LAMA1: variants seen among roughly 807,000 people sequenced by gnomAD.
LAMA1 encodes the protein laminin subunit alpha-1.
Under a neutral mutation model 348.7 loss-of-function variants are expected in LAMA1, and 219 were observed. The ratio of observed to expected loss-of-function variants is 0.63; its 90% CI spans 0.56 to 0.70. The LOEUF is 0.70. LAMA1 is among the 30% of genes least tolerant of loss of function. The pLI is 0.00. For missense variants in LAMA1, 3,744 were observed against 3,888.0 expected (o/e 0.96, Z 0.99); for synonymous variants, 1,487 against 1,491.0 (o/e 1.00, Z 0.06).
chr18:7,051,303 C>A (rs946449812), intron 3 of LAMA1, among the ~76,000 whole-genome samples: 2 of 152,132 alleles, frequency 1.3e-5, no homozygotes, highest in African/African-American at 4.8e-5. Context: ...ATGATTCTTT[C>A]ACATTGCATA....
At chr18:7,035,844 C>G in intron 13 of LAMA1, 143 bp downstream of exon 13, 1 of 709,250 alleles carries the variant, frequency 1.4e-6, no homozygotes, top group East Asian at 2.7e-5. Flanking sequence ...TCTCAGTAGT[C>G]CCCACGCAAG....
chr18:7,038,487 C>A (rs1404793174), intron 11 of LAMA1: 3 of 402,612 alleles, frequency 7.5e-6, no homozygotes, highest in Non-Finnish European at 1.4e-5. Context: ...GGCTCCCAGG[C>A]CTGAGAGCAG....
intron 35 of LAMA1, 52 bp downstream of exon 35, chr18:6,993,589 A>C: frequency 1.6e-6 from 2 of 1,245,966 alleles, no homozygotes; most frequent in Non-Finnish European, 2.4e-6. Context: ...AGCAATGGTG[A>C]CTTCTTACTA....
chr18:6,974,245 A>G (rs1293477757), intron 46 of LAMA1, among the ~76,000 whole-genome samples: 1 of 152,052 alleles, frequency 6.6e-6, no homozygotes, highest in Non-Finnish European at 1.5e-5. Context: ...TTTTTGAATT[A>G]ATTTTTATTA....
chr18:6,953,509 C>T (rs1198740791), intron 57 of LAMA1, among the ~76,000 whole-genome samples: 1 of 152,202 alleles, frequency 6.6e-6, no homozygotes, highest in Non-Finnish European at 1.5e-5. Context: ...CAGGCAACCA[C>T]TGGGGGTCCT....
rs533355831 is a variant in LAMA1, at chr18:7,024,589, A to G, written c.2403-123T>C. On this transcript the variant is annotated intron_variant, in intron 17 of 62. Coordinates refer to ENST00000389658, the MANE Select transcript of LAMA1 (RefSeq NM_005559.4). The stretch of plus-strand genomic sequence containing the variant: ...ACCTTCAATGAGACCTCCTTAGCTC[A>G]GAATCCGGGGCCTCTGGTCACCCAG... 4.1e-5 allele frequency: 33 copies of G among 799,816 alleles called. No individual in the cohort carries two copies. In the South Asian group the frequency reaches 4.8e-4, roughly 12 times the overall value. 49.5% of individuals were successfully genotyped at this position (799,816 alleles called of 1,614,324 possible).
At chr18:7,008,355 TTTC>T in intron 28 of LAMA1, 130 bp downstream of exon 28, 1 of 1,051,572 alleles carries the variant, frequency 9.5e-7, no homozygotes, top group Non-Finnish European at 1.4e-6. Flanking sequence ...CCAAAATTAA[TTTC>T]TTTTTAATTC....
At chr18:7,114,512 A>G (rs577863694) in intron 1 of LAMA1, among the ~76,000 whole-genome samples, 186 of 152,356 alleles carry the variant, frequency 1.2e-3, no homozygotes, top group African/African-American at 4.3e-3. Context: ...GATGAACATA[A>G]ATAAACTTGC....
chr18:7,049,449 ACCAC>A (rs2058054558), intron 4 of LAMA1, among the ~76,000 whole-genome samples, 192 bp from the exon 5 acceptor site: 1 of 152,084 alleles, frequency 6.6e-6, no homozygotes, highest in African/African-American at 2.4e-5. Flanking sequence ...ATAGGTGTGC[ACCAC>A]CACGCCCAGC....
chr18:6,973,805 G>C (rs1393537014), intron 46 of LAMA1, among the ~76,000 whole-genome samples: 1 of 152,176 alleles, frequency 6.6e-6, no homozygotes, highest in Non-Finnish European at 1.5e-5. Flanking sequence ...ATTAGAGGCA[G>C]GGTCTTGCTC....
chr18:7,095,054 A>C (rs183136989), intron 1 of LAMA1, among the ~76,000 whole-genome samples: 1 of 148,318 alleles, frequency 6.7e-6, no homozygotes, highest in East Asian at 2.0e-4. Flanking sequence ...TTCCAGCAAT[A>C]TCCCTTGACT....
In LAMA1 at chr18:6,985,278, G is replaced by A. The variant is rs780881381; in HGVS notation, c.5619C>T (p.Asp1873=). 15 of 1,614,190 alleles carry A rather than the reference G, an allele frequency of 9.3e-6. No individual in the cohort carries two copies. The highest frequency in any genetic ancestry group is 1.2e-5 in the Non-Finnish European group (14 of 1,180,034). Residue 1873 remains aspartate (D), a synonymous_variant, in exon 39 of 63, where the codon GAC becomes GAT. Transcript: ENST00000389658. ...CTAGTCTCTGGAACTCAGCGGCATG[G>A]TCCTCAGCTCTGTAGACCAGGTCGA... is the stretch of plus-strand genomic sequence containing the variant. ...NAVDLVYRAE[D]HAAEFQRLAD... is the part of the protein sequence containing the mutation.
Position 6,942,253 on chromosome 18 carries a change from A to C in LAMA1, c.9068-14T>G, listed in dbSNP as rs774289731. 1.9e-6 allele frequency: 3 copies of C among 1,613,696 alleles called. No individual in the cohort carries two copies. The highest frequency in any genetic ancestry group is 2.2e-5 in the South Asian group (2 of 91,084). On this transcript the variant is annotated splice_polypyrimidine_tract_variant and intron_variant, in intron 62 of 62. Transcript: ENST00000389658. ...GCTTCACACCAGCTGTTCAGGAAAG[A>C]AGAGAAGACAAATCTTGCTTAATTT...
At chr18:6,945,314 A>G (rs942417736) in intron 61 of LAMA1, among the ~76,000 whole-genome samples, 29 of 151,906 alleles carry the variant, frequency 1.9e-4, no homozygotes, top group Non-Finnish European at 1.5e-5. Context: ...TATGACATCA[A>G]GTTAGTTCTG....
At chr18:6,995,716 G>T (rs931399526) in intron 33 of LAMA1, among the ~76,000 whole-genome samples, 1 of 152,054 alleles carries the variant, frequency 6.6e-6, no homozygotes, top group African/African-American at 2.4e-5. Context: ...GCAATTCTCA[G>T]ATAAAAGTCT....
rs192481520 is a variant in LAMA1 at position 7,109,275 on chromosome 18, C to T, written c.61+8385G>A. Among the ~76,000 whole-genome samples the T allele has an allele frequency of 9.9e-5, 15 of 152,284 alleles. No individual in the cohort carries two copies. The East Asian group carries it at 1.9e-3, about 20-fold the overall frequency. The stretch of plus-strand genomic sequence containing the variant: ...GGAGTTCCTCGGTGTTACTGCCCTC[C>T]GGCTACTAATGACCCAGGTTTTAAT... On this transcript the variant is annotated intron_variant, in intron 1 of 62. Coordinates refer to ENST00000389658, the MANE Select transcript of LAMA1 (RefSeq NM_005559.4).
chr18:7,012,109 T>G lies in LAMA1; in HGVS notation c.3393A>C (p.Glu1131Asp). Residue 1131 changes from glutamate to aspartate, a missense_variant, in exon 24 of 63, where the codon GAA becomes GAC. This residue lies in a region of LAMA1 where 1,529 missense variants were observed against 1,689.4 expected (regional missense o/e 0.91). Coordinates refer to ENST00000389658, the MANE Select transcript of LAMA1 (RefSeq NM_005559.4). ...GGAGAGCGAAGGTGCCCTCTCGACA[T>G]TCGTTGCACTGAGGACCAAAGACAT... ...KENVFGPQCN[E>D]CREGTFALRA... 1 of 1,613,944 alleles carries G rather than the reference T, an allele frequency of 6.2e-7. No individual in the cohort carries two copies. The highest frequency in any genetic ancestry group is 8.5e-7 in the Non-Finnish European group (1 of 1,179,938).
chr18:7,033,177 T>A, intron 14 of LAMA1, 82 bp from the exon 15 acceptor site: 2 of 1,065,390 alleles, frequency 1.9e-6, no homozygotes, highest in Non-Finnish European at 2.8e-6. Flanking sequence ...CCTAAAAGAT[T>A]TAAATCCGGC....
chr18:7,101,406 C>T (rs909808830), intron 1 of LAMA1, among the ~76,000 whole-genome samples: 8 of 152,132 alleles, frequency 5.3e-5, no homozygotes, highest in African/African-American at 1.9e-4. Flanking sequence ...GGAAGGCGGC[C>T]AATCACCAAG....
Sources: allele counts gnomAD v4.1 joint callset (sites outside exome capture counted in the v4.1 genomes callset), GRCh38; gene constraint gnomAD v4.1.1; regional missense constraint gnomAD v4.1.1; transcripts MANE v1.5; gene names NCBI Gene and HGNC (gene_info 2026-07-23, HGNC 2026-07-21).